The following ZNF33A variants were observed in gnomAD, a reference collection of about 807,000 sequenced individuals.
ZNF33A encodes the protein brain my041 protein.
A neutral mutation model predicts 15.9 loss-of-function variants in ZNF33A; 9 were observed. That is an observed-to-expected ratio of 0.57 (90% CI 0.34 to 0.99). The LOEUF is 0.99. ZNF33A is among the 50% of genes least tolerant of loss of function. The probability of loss-of-function intolerance (pLI) is 0.02; values close to 1 mark genes in which losing one functional copy is unlikely to be tolerated. For missense variants in ZNF33A, 843 were observed against 941.6 expected (o/e 0.90, Z 1.37); for synonymous variants, 294 against 324.2 (o/e 0.91, Z 1.00).
chr10:38,060,339 G>A (rs1324789622), downstream of ZNF33A, among the ~76,000 whole-genome samples: 2 of 152,070 alleles, frequency 1.3e-5, no homozygotes, highest in Non-Finnish European at 2.9e-5. Flanking sequence ...GGGGGGCCAG[G>A]CACAATTCCT....
At chr10:38,014,386 T>G (rs1013217606) in intron 2 of ZNF33A, among the ~76,000 whole-genome samples, 1 of 152,196 alleles carries the variant, frequency 6.6e-6, no homozygotes, top group Admixed American at 6.5e-5. Context: ...ATCCCTAGAT[T>G]AGTTTATTAC....
downstream of ZNF33A, among the ~76,000 whole-genome samples, chr10:38,063,730 T>C (rs2066682584): frequency 6.6e-6 from 1 of 152,176 alleles, no homozygotes; most frequent in African/African-American, 2.4e-5. Flanking sequence ...AGATGAAATA[T>C]AGCACCCCTG....
chr10:38,055,658 C>T lies in ZNF33A; in HGVS notation c.1534C>T (p.Leu512Phe). 6.2e-7 allele frequency: 1 copy of T among 1,614,030 alleles called. No homozygotes were observed. Among genetic ancestry groups the T allele is most frequent in the Non-Finnish European group, 8.5e-7 (1 of 1,179,984 alleles). Residue 512 changes from leucine to phenylalanine, a missense_variant, in exon 5 of 5, where the codon CTC becomes TTC. Leu to Phe is a conservative substitution (Grantham distance 22). Coordinates refer to ENST00000432900, the MANE Select transcript of ZNF33A (RefSeq NM_006954.2). ...CGKTFYHKSL[L>F]TRHQIIHTGW... ...GAAAACTTTCTACCACAAGTCATTA[C>T]TCACCAGGCATCAGATAATTCATAC...
downstream of ZNF33A, chr10:38,064,924 C>T (rs1456378959): frequency 6.6e-6 from 1 of 151,514 alleles, no homozygotes; most frequent in Admixed American, 6.6e-5. Flanking sequence ...TCATATATAC[C>T]TCAGAGTTCA....
In ZNF33A at chr10:38,056,837, T is replaced by C. The variant is rs1002559679; in HGVS notation, c.*277T>C. ...CTTAGAAATAAAATACGACAAGTTA[T>C]GTTTTGAGTTTGATGCCATAATAGT... On this transcript the variant is annotated 3_prime_UTR_variant, in exon 5 of 5. Coordinates refer to ENST00000432900, the MANE Select transcript of ZNF33A (RefSeq NM_006954.2). 5.4e-6 allele frequency: 6 copies of C among 1,110,342 alleles called. No homozygotes were observed. In the African/African-American group the frequency reaches 6.5e-5, roughly 12 times the overall value. 68.8% of individuals were successfully genotyped at this position (1,110,342 alleles called of 1,614,324 possible). A position where few individuals can be genotyped will look rare whatever the true frequency, so the allele number is the denominator to read the frequency against.
chr10:38,049,169 A>G (rs2066086089), intron 4 of ZNF33A, among the ~76,000 whole-genome samples: 1 of 152,180 alleles, frequency 6.6e-6, no homozygotes, highest in African/African-American at 2.4e-5. Flanking sequence ...ATATACTTCT[A>G]CATAATGGAT....
At position 38,055,119 on chromosome 10, in the gene ZNF33A, A is replaced by G; in HGVS notation, c.995A>G (p.Asn332Ser). 6.2e-7 allele frequency: 1 copy of G among 1,614,132 alleles called. No individual in the cohort carries two copies. The highest frequency in any genetic ancestry group is 2.2e-5 in the East Asian group (1 of 44,880). Residue 332 changes from asparagine to serine, a missense_variant, in exon 5 of 5, where the codon AAT (asparagine) becomes AGT (serine). Asn to Ser is a conservative substitution (Grantham distance 46). Coordinates refer to ENST00000432900, the MANE Select transcript of ZNF33A (RefSeq NM_006954.2). ...GDKGEKHFEC[N>S]ECGKAFWEKS... ...AAAGGAGAGAAACACTTTGAATGTA[A>G]TGAATGTGGGAAAGCTTTCTGGGAG...
Position 38,054,589 on chromosome 10 carries a change from G to A in ZNF33A, c.465G>A (p.Leu155=), listed in dbSNP as rs141144828. ...TGAGTTTCAACACTGTTTCAGAATT[G>A]GTTATCAGTAAGATAAACTATTTAG... ...CGMSFNTVSE[L]VISKINYLGK... Residue 155 remains leucine (L), a synonymous_variant, in exon 5 of 5, where the codon TTG becomes TTA. Transcript: ENST00000432900. 4 of 1,611,042 alleles carry A rather than the reference G, an allele frequency of 2.5e-6. No individual in the cohort carries two copies. In the African/African-American group the frequency reaches 5.4e-5, roughly 22 times the overall value.
intron 4 of ZNF33A, among the ~76,000 whole-genome samples, chr10:38,025,156 G>A (rs1388129800): frequency 6.6e-6 from 1 of 152,198 alleles, no homozygotes; most frequent in African/African-American, 2.4e-5. Flanking sequence ...TCCGCTGGGT[G>A]TCTTGGAATG....
At chr10:38,064,098 T>G (rs746710336), downstream of ZNF33A, 1 of 1,597,782 alleles carries the variant, frequency 6.3e-7, no homozygotes, top group South Asian at 1.1e-5. Flanking sequence ...GCCCCTGAGA[T>G]GCTCATGCCC....
intron 2 of ZNF33A, among the ~76,000 whole-genome samples, chr10:38,014,091 A>T (rs567770584): frequency 1.7e-5 from 2 of 117,946 alleles, no homozygotes; most frequent in East Asian, 5.3e-4. Flanking sequence ...CACCCAGGCT[A>T]GGGTGCAGTG....
At chr10:38,029,066 G>A (rs1269876264) in intron 4 of ZNF33A, among the ~76,000 whole-genome samples, 5 of 151,970 alleles carry the variant, frequency 3.3e-5, no homozygotes, top group East Asian at 1.9e-4. Context: ...TTTAAGTCCC[G>A]CAGGAAGTAA....
At chr10:38,012,425 GTT>G (rs10716292) in intron 2 of ZNF33A, 75 bp downstream of exon 2, 35,786 of 519,580 alleles carry the variant, frequency 0.069, no homozygotes, top group East Asian at 0.091. Context: ...TATGGTGTTT[GTT>G]TTTTTTTTTT....
At chr10:38,012,888 C>T (rs1288349838) in intron 2 of ZNF33A, among the ~76,000 whole-genome samples, 1 of 152,160 alleles carries the variant, frequency 6.6e-6, no homozygotes, top group East Asian at 1.9e-4. Context: ...GAAAGGAAGA[C>T]ACTGGATACA....
intron 4 of ZNF33A, among the ~76,000 whole-genome samples, chr10:38,049,545 T>C (rs1287637005): frequency 6.6e-6 from 1 of 152,162 alleles, no homozygotes; most frequent in African/African-American, 2.4e-5. Context: ...ATGTGTAATG[T>C]ATATTGTGTA....
At position 38,060,000 on chromosome 10, in the gene ZNF33A, C is replaced by T. The variant is rs1258140121; in HGVS notation, c.*3440C>T. 1.0e-6 allele frequency: 1 copy of T among 959,996 alleles called. No homozygotes were observed. Among genetic ancestry groups the T allele is most frequent in the Non-Finnish European group, 1.2e-6 (1 of 806,946 alleles). 59.5% of individuals were successfully genotyped at this position (959,996 alleles called of 1,614,324 possible). A position where few individuals can be genotyped will look rare whatever the true frequency, so the allele number is the denominator to read the frequency against. On this transcript the variant is annotated 3_prime_UTR_variant, in exon 5 of 5. Coordinates refer to ENST00000432900, the MANE Select transcript of ZNF33A (RefSeq NM_006954.2). ...ACTTTTTGCTCAACTTTCTGTAACC[C>T]TAAAGCTACTCTAAAAAATGAAGTG...
At chr10:38,035,949 T>C (rs1010487336) in intron 4 of ZNF33A, among the ~76,000 whole-genome samples, 1 of 152,216 alleles carries the variant, frequency 6.6e-6, no homozygotes, top group African/African-American at 2.4e-5. Flanking sequence ...AGAAAAGAGA[T>C]GCAAAGGGAA....
chr10:38,064,207 T>C, downstream of ZNF33A: 1 of 1,247,048 alleles, frequency 8.0e-7, no homozygotes, highest in Non-Finnish European at 1.1e-6. Context: ...CAAACTACCT[T>C]CCCACAAGAT....
intron 4 of ZNF33A, among the ~76,000 whole-genome samples, chr10:38,032,619 G>T (rs2065260835): frequency 1.3e-5 from 2 of 151,576 alleles, no homozygotes; most frequent in Non-Finnish European, 2.9e-5. Context: ...ACAGGTGCAT[G>T]CCACCACACC....
Sources: gnomAD v4.1 joint callset for allele counts (sites outside exome capture counted in the v4.1 genomes callset) on GRCh38, gnomAD v4.1.1 for gene constraint, MANE v1.5 for transcripts, NCBI Gene and HGNC (gene_info 2026-07-23, HGNC 2026-07-21) for gene names.